Variants in CLCN5 observed in about 807,000 individuals in gnomAD.
CLCN5 encodes H(+)/Cl(-) exchange transporter 5.
CLCN5 carries 17 observed loss-of-function variants against 54.0 expected under a neutral mutation model. That is an observed-to-expected ratio of 0.31 (90% CI 0.22 to 0.47). The LOEUF (loss-of-function observed/expected upper bound fraction) is 0.47. Among genes scored for constraint, CLCN5 ranks in the 20% least tolerant of loss-of-function variants. CLCN5 has a pLI of 1.00. For synonymous variants in CLCN5, 222 were observed against 233.0 expected, an observed-to-expected ratio of 0.95 and a Z score of 0.43; for missense variants, 448 against 646.7, an observed-to-expected ratio of 0.69 and a Z score of 3.33.
intron 3 of CLCN5, among the ~76,000 whole-genome samples, chrX:50,026,331 ATATG>A (rs1557185002): frequency 9.0e-6 from 1 of 111,678 alleles, no homozygotes; most frequent in Admixed American, 9.5e-5. Flanking sequence ...CTTGAGAAGA[ATATG>A]TATTCTGCTG....
At chrX:49,983,070 T>C (rs1182461441) in intron 3 of CLCN5, among the ~76,000 whole-genome samples, 1 of 112,063 alleles carries the variant, frequency 8.9e-6, no homozygotes, top group African/African-American at 3.2e-5. Context: ...TGCATATCAC[T>C]CAAAACAAAT....
intron 6 of CLCN5, among the ~76,000 whole-genome samples, chrX:50,073,883 G>A (rs1328316293): frequency 8.9e-6 from 1 of 111,830 alleles, no homozygotes; most frequent in Non-Finnish European, 1.9e-5. Flanking sequence ...ATAGGAGACA[G>A]ACAGGATTTG....
chrX:50,028,355 C>T (rs1172321922), intron 3 of CLCN5, among the ~76,000 whole-genome samples: 5 of 112,105 alleles, frequency 4.5e-5, no homozygotes, highest in Non-Finnish European at 5.6e-5. Flanking sequence ...CTGATCTTCA[C>T]TGTAAGAACA....
chrX:49,995,890 A>C (rs1165751094), intron 3 of CLCN5, among the ~76,000 whole-genome samples: 2 of 111,875 alleles, frequency 1.8e-5, no homozygotes, highest in African/African-American at 6.5e-5. Flanking sequence ...AGCACAGGAT[A>C]GGTAGCTTGC....
rs150186189 is a variant in CLCN5 at position 49,926,480 on chromosome X, C to T, written c.16+1166C>T. Among the ~76,000 whole-genome samples, 640 of 112,120 alleles carry T rather than the reference C, an allele frequency of 5.7e-3. 3 individuals carry two copies. The highest frequency in any genetic ancestry group is 0.014 in the Middle Eastern group (3 of 217). ...GAATAAGTGTTAGAATAGAGAGGTA[C>T]AAAAAGCAAGGGAAGCCCCGAGAAA... On this transcript the variant is annotated intron_variant, in intron 3 of 14. Transcript: ENST00000376091.
intron 7 of CLCN5, 95 bp downstream of exon 7, chrX:50,076,077 T>A (rs1474530104): frequency 1.8e-5 from 15 of 834,842 alleles, no homozygotes; most frequent in Non-Finnish European, 2.5e-5. Flanking sequence ...GAATCTTCCT[T>A]TATTTTCCTT....
chrX:49,977,022 CTT>C (rs1229648899), intron 3 of CLCN5, among the ~76,000 whole-genome samples: 3 of 111,858 alleles, frequency 2.7e-5, no homozygotes, highest in South Asian at 3.7e-4. Context: ...GAAAAGGTCT[CTT>C]TTAGCGGAAT....
At chrX:49,966,589 C>CTTTTTTTTAT (rs1927867658) in intron 3 of CLCN5, among the ~76,000 whole-genome samples, 1 of 17,806 alleles carries the variant, frequency 5.6e-5, no homozygotes, top group Non-Finnish European at 8.0e-5. Context: ...TATCTCTGAT[C>CTTTTTTTTAT]TTTTTTTTTT....
chrX:49,967,558 CA>C (rs1301719803), intron 3 of CLCN5, among the ~76,000 whole-genome samples: 1 of 86,381 alleles, frequency 1.2e-5, no homozygotes, highest in Admixed American at 1.2e-4. Flanking sequence ...GAGCCAAAGA[CA>C]AAAACCACAT....
chrX:50,055,304 A>G (rs782238264), intron 4 of CLCN5, among the ~76,000 whole-genome samples: 8 of 111,923 alleles, frequency 7.1e-5, no homozygotes, highest in Admixed American at 1.9e-4. Context: ...ATATTTACTA[A>G]TACACCTTCA....
At chrX:50,069,059 T>A (rs2147541616) in intron 4 of CLCN5, among the ~76,000 whole-genome samples, 1 of 112,014 alleles carries the variant, frequency 8.9e-6, no homozygotes, top group East Asian at 2.8e-4. Flanking sequence ...GATTCTTGGA[T>A]ATGTGCTAGA....
rs1557194537 is a variant in CLCN5, at chrX:50,090,240, G to A, written c.1869G>A (p.Gly623=). ...MTSKWVADAL[G]REGIYDAHIR... ...GCAAGTGGGTGGCAGATGCTCTTGG[G>A]CGGGAGGGCATCTATGATGCCCACA... Residue 623 remains glycine, a synonymous_variant, in exon 13 of 15, where the codon GGG becomes GGA. Coordinates refer to ENST00000376091, the MANE Select transcript of CLCN5 (RefSeq NM_001127898.4). 7.4e-6 allele frequency: 9 copies of A among 1,211,773 alleles called. No homozygotes were observed. The highest frequency in any genetic ancestry group is 2.2e-5 in the Admixed American group (1 of 46,085).
intron 3 of CLCN5, among the ~76,000 whole-genome samples, chrX:49,988,676 TAGA>T (rs1412352213): frequency 3.6e-5 from 4 of 112,105 alleles, no homozygotes; most frequent in East Asian, 5.6e-4. Flanking sequence ...TAAAAATCAT[TAGA>T]AGAAGAAAAT....
rs1178237721 is a variant in CLCN5 at position 49,947,732 on chromosome X, C to T, written c.16+22418C>T. Among the ~76,000 whole-genome samples the T allele has an allele frequency of 2.7e-5, 3 of 111,267 alleles. No homozygotes were observed. In the South Asian group the frequency reaches 1.2e-3, roughly 43 times the overall value. ...TCTCTTCCTTTCCACTGGACCCATT[C>T]GCTGTCGTCCATAAACATGTTCTGG... On this transcript the variant is annotated intron_variant, in intron 3 of 14. Transcript: ENST00000376091.
At chrX:50,009,212 G>A (rs1930363346) in intron 3 of CLCN5, among the ~76,000 whole-genome samples, 1 of 111,723 alleles carries the variant, frequency 9.0e-6, no homozygotes, top group Admixed American at 9.5e-5. Context: ...TCATTGCCCT[G>A]GACAAGCTTA....
At chrX:49,955,834 A>G (rs1318386633) in intron 3 of CLCN5, among the ~76,000 whole-genome samples, 2 of 111,814 alleles carry the variant, frequency 1.8e-5, no homozygotes, top group Non-Finnish European at 3.8e-5. Context: ...TTGCTATTTT[A>G]ATATATGTTT....
chrX:50,076,068 A>C (rs1412810779), intron 7 of CLCN5, 86 bp downstream of exon 7: 2 of 903,861 alleles, frequency 2.2e-6, no homozygotes, highest in East Asian at 6.6e-5. Flanking sequence ...GCAATTGCGG[A>C]ATCTTCCTTT....
At chrX:49,939,529 A>G (rs1170021875) in intron 3 of CLCN5, among the ~76,000 whole-genome samples, 1 of 111,141 alleles carries the variant, frequency 9.0e-6, no homozygotes, top group African/African-American at 3.3e-5. Flanking sequence ...TCAGCAAACT[A>G]TCGCAAGGAC....
chrX:49,985,194 G>GAGC (rs1928941798), intron 3 of CLCN5, among the ~76,000 whole-genome samples: 1 of 111,141 alleles, frequency 9.0e-6, no homozygotes, highest in African/African-American at 3.3e-5. Context: ...CAGGCGTGTA[G>GAGC]AGCTATGGAT....
Sources: gnomAD v4.1 joint callset for allele counts (sites outside exome capture counted in the v4.1 genomes callset) on GRCh38, gnomAD v4.1.1 for gene constraint, MANE v1.5 for transcripts, NCBI Gene and HGNC (gene_info 2026-07-23, HGNC 2026-07-21) for gene names.